GPR158: variants seen among roughly 807,000 people sequenced by gnomAD.
GPR158 encodes G protein-coupled receptor 158.
GPR158 carries 30 observed loss-of-function variants against 78.2 expected under a neutral mutation model. The ratio of observed to expected loss-of-function variants is 0.38; its 90% CI spans 0.29 to 0.52. GPR158 has a LOEUF of 0.52. Among genes scored for constraint, GPR158 ranks in the 20% least tolerant of loss-of-function variants. The pLI is 0.83. For synonymous variants in GPR158, 581 were observed against 591.1 expected (o/e 0.98, Z 0.25); for missense variants, 1,463 against 1,523.5 (o/e 0.96, Z 0.66).
At chr10:25,242,045 TAA>T (rs1304725282) in intron 2 of GPR158, among the ~76,000 whole-genome samples, 2 of 152,222 alleles carry the variant, frequency 1.3e-5, no homozygotes, top group Non-Finnish European at 2.9e-5. Flanking sequence ...TTCTATAAAC[TAA>T]ACATGGCAAT....
intron 2 of GPR158, among the ~76,000 whole-genome samples, chr10:25,375,676 G>A (rs1440055502): frequency 1.3e-5 from 2 of 151,358 alleles, no homozygotes; most frequent in Non-Finnish European, 3.0e-5. Flanking sequence ...AATTGTATTT[G>A]CGCATCTGTC....
intron 1 of GPR158, among the ~76,000 whole-genome samples, chr10:25,195,118 A>T (rs1172349140): frequency 6.6e-6 from 1 of 150,692 alleles, no homozygotes; most frequent in African/African-American, 2.4e-5. Context: ...ATTTTTCCCC[A>T]CCCATTGGAG....
chr10:25,351,148 A>AT (rs1855461228), intron 2 of GPR158, among the ~76,000 whole-genome samples: 4 of 151,946 alleles, frequency 2.6e-5, no homozygotes, highest in Non-Finnish European at 5.9e-5. Context: ...CTATAAACAT[A>AT]TAAACTCTCA....
At chr10:25,258,784 A>G (rs1027732339) in intron 2 of GPR158, among the ~76,000 whole-genome samples, 3 of 152,182 alleles carry the variant, frequency 2.0e-5, no homozygotes, top group Non-Finnish European at 2.9e-5. Flanking sequence ...CCGCCTGTAC[A>G]GTGGAAAATT....
intron 4 of GPR158, among the ~76,000 whole-genome samples, chr10:25,435,234 T>G (rs1223226770): frequency 6.6e-6 from 1 of 152,008 alleles, no homozygotes. Flanking sequence ...CTTGTAGGGG[T>G]GTAAAGACAA....
At chr10:25,488,342 C>T (rs1272368408) in intron 5 of GPR158, among the ~76,000 whole-genome samples, 2 of 152,164 alleles carry the variant, frequency 1.3e-5, no homozygotes, top group African/African-American at 4.8e-5. Context: ...TAGGGGAGCC[C>T]TGTGCCCAAC....
chr10:25,248,315 G>A (rs1853732593), intron 2 of GPR158, among the ~76,000 whole-genome samples: 1 of 152,098 alleles, frequency 6.6e-6, no homozygotes, highest in Non-Finnish European at 1.5e-5. Context: ...AAGCTCTTTA[G>A]TTTAATTAGA....
At chr10:25,445,675 G>A (rs550297499) in intron 4 of GPR158, among the ~76,000 whole-genome samples, 18 of 152,108 alleles carry the variant, frequency 1.2e-4, no homozygotes, top group Non-Finnish European at 2.5e-4. Flanking sequence ...TGGAAGAAAG[G>A]GGGTAATTTC....
At chr10:25,259,282 A>G (rs141295116) in intron 2 of GPR158, among the ~76,000 whole-genome samples, 11 of 152,330 alleles carry the variant, frequency 7.2e-5, no homozygotes, top group African/African-American at 2.6e-4. Context: ...CTTTATTTAC[A>G]AAATCAGGAA....
rs1470712420 is a variant in GPR158, at chr10:25,599,226, G to C, written c.3600G>C (p.Lys1200Asn). The change falls in exon 11 of 11, where the codon AAG (lysine) becomes AAC (asparagine). Residue 1200 changes from lysine to asparagine, a missense_variant. Coordinates refer to ENST00000376351, the MANE Select transcript of GPR158 (RefSeq NM_020752.3). Reference sequence around the variant, plus strand: ...CCTCTTCTGCTCTAAGTGCAAATAAGATAGCAGGGCCTAGGAAAGAAGAGA... The same window carrying C: ...CCTCTTCTGCTCTAAGTGCAAATAACATAGCAGGGCCTAGGAAAGAAGAGA... ...LPASSALSAN[K>N]IAGPRKEEIW... 1.2e-6 allele frequency: 2 copies of C among 1,612,466 alleles called. No homozygotes were observed. The highest frequency in any genetic ancestry group is 2.2e-5 in the East Asian group (1 of 44,882).
chr10:25,589,141 A>G lies in GPR158; in HGVS notation c.1888A>G (p.Ile630Val). ...ELIISAIFHTIRFVLASRLQS... is the reference protein window; with the variant it reads ...ELIISAIFHTVRFVLASRLQS... ...CATCATCTCTGCTATATTCCATACA[A>G]TTAGGCAAGTGATCTGTAGAGCTAG... Residue 630 changes from isoleucine (I) to valine (V), a missense_variant, in exon 8 of 11, where the codon ATT becomes GTT. By Grantham distance (29) the Ile-to-Val change is conservative. Coordinates refer to ENST00000376351, the MANE Select transcript of GPR158 (RefSeq NM_020752.3). 1.2e-6 allele frequency: 2 copies of G among 1,600,196 alleles called. No homozygotes were observed. Among genetic ancestry groups the G allele is most frequent in the Non-Finnish European group, 1.7e-6 (2 of 1,170,722 alleles).
chr10:25,317,505 A>T (rs1854871529), intron 2 of GPR158, among the ~76,000 whole-genome samples: 1 of 151,860 alleles, frequency 6.6e-6, no homozygotes, highest in Non-Finnish European at 1.5e-5. Flanking sequence ...TCAAAAAAAA[A>T]ATTTCTGAGT....
intron 1 of GPR158, among the ~76,000 whole-genome samples, chr10:25,200,162 A>G (rs918091273): frequency 6.6e-6 from 1 of 152,112 alleles, no homozygotes; most frequent in African/African-American, 2.4e-5. Context: ...TTTCTCAGCA[A>G]TCTTGCCAGT....
rs149155339 is a variant in GPR158 at position 25,598,935 on chromosome 10, C to T, written c.3309C>T (p.Asn1103=). Residue 1103 remains asparagine (N), a synonymous_variant, in exon 11 of 11, where the codon AAC becomes AAT. Coordinates refer to ENST00000376351, the MANE Select transcript of GPR158 (RefSeq NM_020752.3). ...TCCCAGAGAGGGCAAAAGAGGAGAA[C>T]GGAGGTCAGCCTCGTGCAGCCAATG... ...PVLPERAKEE[N]GGQPRAANVC... The T allele has an allele frequency of 3.9e-4, 629 of 1,613,978 alleles. No homozygotes were observed. The highest frequency in any genetic ancestry group is 3.0e-3 in the Middle Eastern group (18 of 6,060).
intron 5 of GPR158, among the ~76,000 whole-genome samples, chr10:25,487,364 G>C (rs554247899): frequency 1.3e-5 from 2 of 152,172 alleles, no homozygotes; most frequent in South Asian, 4.2e-4. Flanking sequence ...TAAATTGTTG[G>C]CAATATCATT....
chr10:25,294,872 G>A (rs1318053075), intron 2 of GPR158, among the ~76,000 whole-genome samples: 2 of 152,164 alleles, frequency 1.3e-5, no homozygotes, highest in East Asian at 3.9e-4. Context: ...CAAATTGCTG[G>A]TCAGAATGTC....
intron 3 of GPR158, among the ~76,000 whole-genome samples, chr10:25,400,286 A>G (rs1338633092): frequency 6.6e-6 from 1 of 152,102 alleles, no homozygotes; most frequent in Non-Finnish European, 1.5e-5. Flanking sequence ...ATAGCAAAAG[A>G]CCCCAAATTC....
chr10:25,338,938 C>T (rs188366433), intron 2 of GPR158, among the ~76,000 whole-genome samples: 33 of 151,104 alleles, frequency 2.2e-4, no homozygotes, highest in Admixed American at 7.3e-4. Context: ...CAGTGATGTC[C>T]TAAGATTTTC....
rs978731140 is a variant in GPR158, at chr10:25,565,505, A to G, written c.1515-7144A>G. Among the ~76,000 whole-genome samples, 10 of 152,208 alleles carry G rather than the reference A, an allele frequency of 6.6e-5. 1 individual carries two copies. In the South Asian group the frequency reaches 1.7e-3, roughly 25 times the overall value. On this transcript the variant is annotated intron_variant, in intron 6 of 10. Transcript: ENST00000376351. ...GGATTGTGGCATGTTTGAAAGGCAG[A>G]TTCCTGTTGTGCTTTTAAAAGATGA...
Sources: gnomAD v4.1 joint callset for allele counts (sites outside exome capture counted in the v4.1 genomes callset) on GRCh38, gnomAD v4.1.1 for gene constraint, MANE v1.5 for transcripts, NCBI Gene and HGNC (gene_info 2026-07-23, HGNC 2026-07-21) for gene names.